The following LATS2 variants were observed in gnomAD, a reference collection of about 807,000 sequenced individuals.
LATS2 encodes serine/threonine-protein kinase LATS2.
A neutral mutation model predicts 76.0 loss-of-function variants in LATS2; 24 were observed. The observed-to-expected ratio is 0.32, with a 90% confidence interval of 0.23 to 0.44. The LOEUF is 0.44. Ranked by LOEUF, LATS2 falls within the 20% of genes least tolerant of loss-of-function variation. The probability of loss-of-function intolerance (pLI) is 1.00; values close to 1 mark genes in which losing one functional copy is unlikely to be tolerated. For synonymous variants in LATS2, 692 were observed against 635.4 expected, an observed-to-expected ratio of 1.09 and a Z score of -1.34; for missense variants, 1,286 against 1,481.2, an observed-to-expected ratio of 0.87 and a Z score of 2.16.
intron 7 of LATS2, among the ~76,000 whole-genome samples, chr13:20,977,417 C>T (rs1013540540): frequency 6.7e-6 from 1 of 148,910 alleles, no homozygotes; most frequent in Non-Finnish European, 1.5e-5. Flanking sequence ...CTAAGCATAA[C>T]CAAACTCACA....
In LATS2 at chr13:20,988,929, C is replaced by T. The variant is rs1221047580; in HGVS notation, c.851G>A (p.Gly284Glu). 2.0e-6 allele frequency: 3 copies of T among 1,524,352 alleles called. No homozygotes were observed. Among genetic ancestry groups the T allele is most frequent in the East Asian group, 2.4e-5 (1 of 40,886 alleles). The allele number at this position is 1,524,352 out of a possible 1,614,324, so 94.4% of individuals were successfully genotyped here. The change falls in exon 4 of 8, where the codon GGG becomes GAG. Residue 284 changes from glycine to glutamate, a missense_variant. By Grantham distance (98) the Gly-to-Glu change is moderately conservative. Coordinates refer to ENST00000382592, the MANE Select transcript of LATS2 (RefSeq NM_014572.3). ...SFQSKTPPET[G>E]GYASLPTKGQ... ...CTTCGTGGGCAGGCTGGCGTAACCC[C>T]CGGTCTCCGGCGGCGTCTTGCTCTG... is the stretch of plus-strand genomic sequence containing the variant.
At chr13:21,038,199 C>T (rs2138391375) in intron 2 of LATS2, among the ~76,000 whole-genome samples, 1 of 152,186 alleles carries the variant, frequency 6.6e-6, no homozygotes, top group East Asian at 1.9e-4. Flanking sequence ...CCACCAAGAT[C>T]CCAGGAGCAA....
intron 2 of LATS2, among the ~76,000 whole-genome samples, chr13:21,017,109 G>T (rs1871831245): frequency 6.6e-6 from 1 of 152,210 alleles, no homozygotes; most frequent in Non-Finnish European, 1.5e-5. Context: ...CCCAGTGGTG[G>T]TTACTGGAGG....
intron 2 of LATS2, among the ~76,000 whole-genome samples, chr13:21,032,588 G>T (rs779528339): frequency 5.3e-5 from 8 of 151,876 alleles, no homozygotes; most frequent in Non-Finnish European, 1.2e-4. Flanking sequence ...TCTTTTTTAA[G>T]CCCATCAGCT....
intron 6 of LATS2, 31 bp from the exon 7 acceptor site, chr13:20,979,828 C>T (rs781124167): frequency 6.5e-6 from 8 of 1,231,566 alleles, no homozygotes; most frequent in African/African-American, 4.4e-5. Flanking sequence ...AATCCCTACA[C>T]AGGCATGAAT....
rs967010185 is a variant in LATS2, at chr13:20,974,264, C to T, written c.*606G>A. The T allele has an allele frequency of 4.5e-6, 1 of 222,484 alleles. No individual in the cohort carries two copies. 13.8% of individuals were successfully genotyped at this position (222,484 alleles called of 1,614,324 possible). A position where few individuals can be genotyped will look rare whatever the true frequency, so the allele number is the denominator to read the frequency against. On this transcript the variant is annotated 3_prime_UTR_variant, in exon 8 of 8. Transcript: ENST00000382592. ...TCGGAAATCACAGCCACATCATCAC[C>T]TTGCTCACACTTCCTATTATACTAG... is the stretch of plus-strand genomic sequence containing the variant.
At chr13:21,022,138 T>G (rs2138362965) in intron 2 of LATS2, among the ~76,000 whole-genome samples, 1 of 152,254 alleles carries the variant, frequency 6.6e-6, no homozygotes. Context: ...ACCAATTAAA[T>G]CAGAACTTCT....
chr13:20,982,729 C>T (rs1413385596), intron 5 of LATS2, among the ~76,000 whole-genome samples: 2 of 151,860 alleles, frequency 1.3e-5, no homozygotes, highest in South Asian at 2.1e-4. Flanking sequence ...CGGTGGCTCA[C>T]ACCTGTAATC....
intron 2 of LATS2, among the ~76,000 whole-genome samples, chr13:21,014,111 AG>A (rs1871704878): frequency 6.6e-6 from 1 of 152,164 alleles, no homozygotes; most frequent in Admixed American, 6.6e-5. Flanking sequence ...AAAATGCCAA[AG>A]AATGTAGGAA....
chr13:20,996,095 C>T (rs1870737312), intron 2 of LATS2, among the ~76,000 whole-genome samples: 1 of 152,188 alleles, frequency 6.6e-6, no homozygotes, highest in Non-Finnish European at 1.5e-5. Flanking sequence ...TAAGCCTTCT[C>T]TTCTAGACAG....
intron 1 of LATS2, among the ~76,000 whole-genome samples, chr13:21,051,465 T>A (rs1315317267): frequency 6.6e-6 from 1 of 152,172 alleles, no homozygotes; most frequent in East Asian, 1.9e-4. Flanking sequence ...TCAACAGCAC[T>A]AAGAGGTAGA....
chr13:21,030,741 G>A (rs569263365), intron 2 of LATS2, among the ~76,000 whole-genome samples: 1 of 151,560 alleles, frequency 6.6e-6, no homozygotes, highest in Non-Finnish European at 1.5e-5. Flanking sequence ...TTTAAATATT[G>A]ATGTCTTTTA....
chr13:20,996,450 C>T (rs932394855), intron 2 of LATS2, among the ~76,000 whole-genome samples: 3 of 149,512 alleles, frequency 2.0e-5, no homozygotes. Context: ...GTAATATTGG[C>T]TCACTGAAAT....
chr13:21,040,141 C>T (rs1167008546), intron 2 of LATS2, among the ~76,000 whole-genome samples: 4 of 150,836 alleles, frequency 2.7e-5, no homozygotes, highest in African/African-American at 7.3e-5. Flanking sequence ...AATCCCAGTA[C>T]TTTGGGAGGC....
intron 2 of LATS2, chr13:21,038,509 A>C (rs1872754001): frequency 6.6e-6 from 1 of 151,958 alleles, no homozygotes; most frequent in South Asian, 2.1e-4. Flanking sequence ...CACCTATTTT[A>C]TCTCTCTCTT....
At chr13:21,007,543 TA>T (rs1871309791) in intron 2 of LATS2, among the ~76,000 whole-genome samples, 2 of 12,946 alleles carry the variant, frequency 1.5e-4, no homozygotes, top group African/African-American at 9.9e-4. Flanking sequence ...TATATATATA[TA>T]GTATATATAT....
At chr13:21,040,049 G>A (rs1439418983) in intron 2 of LATS2, among the ~76,000 whole-genome samples, 2 of 151,444 alleles carry the variant, frequency 1.3e-5, no homozygotes, top group African/African-American at 4.9e-5. Flanking sequence ...TTCCAGCCTG[G>A]GCAATAAGAG....
At chr13:20,977,612 T>C (rs1344815611) in intron 7 of LATS2, among the ~76,000 whole-genome samples, 1 of 142,664 alleles carries the variant, frequency 7.0e-6, no homozygotes, top group Non-Finnish European at 1.5e-5. Context: ...ATAATTAAAA[T>C]AATTATTAAA....
intron 2 of LATS2, among the ~76,000 whole-genome samples, chr13:20,999,306 G>A (rs757644100): frequency 3.3e-5 from 5 of 152,338 alleles, no homozygotes; most frequent in East Asian, 1.9e-4. Context: ...ACACACGCCC[G>A]GAAGACACCT....
Sources: allele counts gnomAD v4.1 joint callset (sites outside exome capture counted in the v4.1 genomes callset), GRCh38; gene constraint gnomAD v4.1.1; transcripts MANE v1.5; gene names NCBI Gene and HGNC (gene_info 2026-07-23, HGNC 2026-07-21).